Variants in OAS3 observed in about 807,000 individuals in gnomAD.
The protein encoded by OAS3 is 2'-5'-oligoadenylate synthase 3.
Under a neutral mutation model 113.0 loss-of-function variants are expected in OAS3, and 107 were observed. The ratio of observed to expected loss-of-function variants is 0.95; its 90% CI spans 0.81 to 1.11. OAS3 has a LOEUF of 1.11. OAS3 is among the 50% of genes most tolerant of loss of function. The pLI, the probability that OAS3 is intolerant of heterozygous loss-of-function variation, is 0.00. For synonymous variants in OAS3, 552 were observed against 573.6 expected, an observed-to-expected ratio of 0.96 and a Z score of 0.54; for missense variants, 1,258 against 1,389.1, an observed-to-expected ratio of 0.91 and a Z score of 1.50.
chr12:112,964,134 A>G, intron 10 of OAS3, 101 bp from the exon 11 acceptor site: 2 of 1,190,180 alleles, frequency 1.7e-6, no homozygotes. Context: ...GGGACATGGG[A>G]GACAGTGGGA....
chr12:112,969,495 T>A (rs1353702049), intron 14 of OAS3, 113 bp from the exon 15 acceptor site: 11 of 1,292,218 alleles, frequency 8.5e-6, no homozygotes, highest in Non-Finnish European at 1.2e-5. Flanking sequence ...CTCTGAGCCC[T>A]GGCTCTAGCC....
intron 6 of OAS3, 68 bp downstream of exon 6, chr12:112,949,273 T>TA: frequency 7.1e-7 from 1 of 1,399,224 alleles, no homozygotes. Flanking sequence ...GGGAAGGAGT[T>TA]ACAGCAATGG....
Position 112,961,179 on chromosome 12 carries a change from A to G in OAS3, c.1766A>G (p.Asn589Ser). 6.2e-7 allele frequency: 1 copy of G among 1,613,320 alleles called. No homozygotes were observed. Among genetic ancestry groups the G allele is most frequent in the Middle Eastern group, 1.6e-4 (1 of 6,062 alleles). ...GCCTGCTTCGCAGAGCTGCGGAGGA[A>G]CTTCATGAACATTCGCCCTGTCAAG... ...HKACFAELRR[N>S]FMNIRPVKLK... Residue 589 changes from asparagine (N) to serine (S), a missense_variant, in exon 8 of 16, where the codon AAC becomes AGC. Physicochemically the swap from Asn to Ser is conservative, Grantham distance 46 (BLOSUM62 1). Coordinates refer to ENST00000228928, the MANE Select transcript of OAS3 (RefSeq NM_006187.4).
chr12:112,946,690 C>T, intron 3 of OAS3, 53 bp from the exon 4 acceptor site: 1 of 1,483,468 alleles, frequency 6.7e-7, no homozygotes, highest in East Asian at 2.4e-5. Flanking sequence ...AGAGAGCTGG[C>T]TCTCTTTCCT....
At chr12:112,961,314 C>A in intron 8 of OAS3, 68 bp downstream of exon 8, 1 of 1,405,554 alleles carries the variant, frequency 7.1e-7, no homozygotes. Context: ...CAATCAGTTC[C>A]TCCTCTACAC....
chr12:112,950,900 C>G lies in OAS3; in HGVS notation c.1582C>G (p.Leu528Val), dbSNP rs1272046808. The G allele has an allele frequency of 1.2e-6, 2 of 1,613,886 alleles. No individual in the cohort carries two copies. Among genetic ancestry groups the G allele is most frequent in the African/African-American group, 2.7e-5 (2 of 74,930 alleles). The stretch of plus-strand genomic sequence containing the variant: ...TCCTGAGCAGAATGTGCCTGAGGCT[C>G]TGCAGTTCCAGCTGGTGTCCACAGC... ...QFPEQNVPEA[L>V]QFQLVSTALK... The change falls in exon 7 of 16, where the codon CTG becomes GTG. Residue 528 changes from leucine to valine, a missense_variant. Physicochemically the swap from Leu to Val is conservative, Grantham distance 32. Coordinates refer to ENST00000228928, the MANE Select transcript of OAS3 (RefSeq NM_006187.4).
Position 112,963,332 on chromosome 12 carries a change from G to A in OAS3, c.2104G>A (p.Ala702Thr), listed in dbSNP as rs753714387. 4.3e-5 allele frequency: 67 copies of A among 1,575,668 alleles called. No individual in the cohort carries two copies. The highest frequency in any genetic ancestry group is 5.6e-5 in the Non-Finnish European group (65 of 1,160,070). ...RKPRPLVLDP[A>T]DPTWNVGHGS... ...CCCCAGACCCCTGGTCCTGGACCCCGCTGATCCCACCTGGAACGTGGGCCA... is the reference window on the plus strand; with the variant it reads ...CCCCAGACCCCTGGTCCTGGACCCCACTGATCCCACCTGGAACGTGGGCCA... The change falls in exon 10 of 16, where the codon GCT becomes ACT. Residue 702 changes from alanine to threonine, a missense_variant. Transcript: ENST00000228928. This position sits in a 1 kb window ranked among gnomAD's most constrained non-coding sequence, Gnocchi z 4.6.
At chr12:112,955,759 T>A (rs1471219782) in intron 7 of OAS3, among the ~76,000 whole-genome samples, 1 of 152,078 alleles carries the variant, frequency 6.6e-6, no homozygotes, top group Non-Finnish European at 1.5e-5. Context: ...GATGTTTTAT[T>A]GAGGATTTTC....
intron 11 of OAS3, among the ~76,000 whole-genome samples, chr12:112,965,392 T>G (rs951008696): frequency 5.3e-4 from 81 of 152,264 alleles, no homozygotes; most frequent in African/African-American, 1.8e-3. Context: ...CACAGTCTTG[T>G]GGGGTGGGAG....
intron 2 of OAS3, among the ~76,000 whole-genome samples, chr12:112,943,609 G>C (rs1353006792): frequency 6.6e-6 from 1 of 152,184 alleles, no homozygotes. Context: ...CTGTGCCTCA[G>C]CTTCCTCAGC....
At chr12:112,953,735 C>T (rs1326098752) in intron 7 of OAS3, among the ~76,000 whole-genome samples, 2 of 152,182 alleles carry the variant, frequency 1.3e-5, no homozygotes, top group Admixed American at 6.5e-5. Context: ...TCTCTGATGG[C>T]CAGTGATGAT....
Position 112,954,351 on chromosome 12 carries a change from C to T in OAS3, c.1657+3376C>T, listed in dbSNP as rs1423366499. On this transcript the variant is annotated intron_variant, in intron 7 of 15. Transcript: ENST00000228928. This position sits in a 1 kb window ranked among gnomAD's most constrained non-coding sequence, Gnocchi z 4.0. The stretch of plus-strand genomic sequence containing the variant: ...TGTTGCCTAGGCTGGAGTGCAGTGA[C>T]GCGATCTCGGCTCACTGCAAGCTCC... Among the ~76,000 whole-genome samples the T allele has an allele frequency of 3.9e-5, 6 of 152,142 alleles. No homozygotes were observed. Among genetic ancestry groups the T allele is most frequent in the African/African-American group, 7.2e-5 (3 of 41,500 alleles).
intron 7 of OAS3, among the ~76,000 whole-genome samples, chr12:112,960,487 C>G (rs35383315): frequency 6.6e-6 from 1 of 152,030 alleles, no homozygotes; most frequent in African/African-American, 2.4e-5. Flanking sequence ...GTAGCTTCCT[C>G]TCTGTGTCTT....
intron 8 of OAS3, 43 bp from the exon 9 acceptor site, chr12:112,962,609 C>T (rs1238236443): frequency 1.2e-6 from 2 of 1,601,460 alleles, no homozygotes; most frequent in Admixed American, 1.7e-5. Flanking sequence ...ACTCAGCTCA[C>T]ATCCACTAAT....
chr12:112,943,830 C>T (rs986629960), intron 2 of OAS3, among the ~76,000 whole-genome samples: 4 of 152,170 alleles, frequency 2.6e-5, no homozygotes, highest in African/African-American at 7.2e-5. Context: ...TCTCGTGCTT[C>T]GGCCTCTGGA....
intron 14 of OAS3, among the ~76,000 whole-genome samples, chr12:112,969,041 G>A (rs1378719692): frequency 6.6e-6 from 1 of 152,180 alleles, no homozygotes; most frequent in Non-Finnish European, 1.5e-5. Flanking sequence ...GAAAGAGTAG[G>A]CTAACCAGCT....
At position 112,948,097 on chromosome 12, in the gene OAS3, C is replaced by A; in HGVS notation, c.1027C>A (p.Pro343Thr). The stretch of plus-strand genomic sequence containing the variant: ...GGACCCAGTGCAGTCTTGGAAGGGG[C>A]CGGTAAGTGAGGGGGCCCCAGGACC... ...MGDPVQSWKG[P>T]GLPRAGCSGL... Residue 343 changes from proline (P) to threonine (T), a missense_variant and splice_region_variant, in exon 5 of 16, where the codon CCG (proline) becomes ACG (threonine). By Grantham distance (38) the Pro-to-Thr change is conservative. Coordinates refer to ENST00000228928, the MANE Select transcript of OAS3 (RefSeq NM_006187.4). 6.6e-7 allele frequency: 1 copy of A among 1,522,994 alleles called. No individual in the cohort carries two copies. The highest frequency in any genetic ancestry group is 8.8e-7 in the Non-Finnish European group (1 of 1,137,072). The allele number at this position is 1,522,994 out of a possible 1,614,324, so 94.3% of individuals were successfully genotyped here.
At chr12:112,966,142 A>G in intron 12 of OAS3, 113 bp downstream of exon 12, 2 of 1,074,446 alleles carry the variant, frequency 1.9e-6, no homozygotes, top group Admixed American at 2.3e-5. Context: ...GCATCATTGC[A>G]GGCATTGTAG....
Position 112,941,810 on chromosome 12 carries a change from G to T in OAS3, c.418G>T (p.Asp140Tyr). 2 of 1,614,032 alleles carry T rather than the reference G, an allele frequency of 1.2e-6. No homozygotes were observed. The highest frequency in any genetic ancestry group is 3.3e-4 in the Middle Eastern group (2 of 6,062). Residue 140 changes from aspartate to tyrosine, a missense_variant, in exon 2 of 16, where the codon GAC (aspartate) becomes TAC (tyrosine). Physicochemically the swap from Asp to Tyr is radical, Grantham distance 160. Transcript: ENST00000228928. ...QFRLTSVDLE[D>Y]WMDVSLVPAF... ...CCGCCTGACATCCGTAGATCTTGAG[G>T]ACTGGATGGATGTTAGCCTGGTGCC...
Sources: gnomAD v4.1 joint callset for allele counts (sites outside exome capture counted in the v4.1 genomes callset) on GRCh38, gnomAD v4.1.1 for gene constraint, Gnocchi (gnomAD v3.1) non-coding constraint, MANE v1.5 for transcripts, NCBI Gene and HGNC (gene_info 2026-07-23, HGNC 2026-07-21) for gene names.